GRM1: variants seen among roughly 807,000 people sequenced by gnomAD.
GRM1 encodes the protein glutamate metabotropic receptor 1, also known as metabotropic glutamate receptor 1.
A neutral mutation model predicts 90.9 loss-of-function variants in GRM1; 33 were observed. That is an observed-to-expected ratio of 0.36 (90% confidence interval 0.28 to 0.49). GRM1 has a LOEUF of 0.49. Among genes scored for constraint, GRM1 ranks in the 20% least tolerant of loss-of-function variants. The probability of loss-of-function intolerance (pLI) is 0.99; values close to 1 mark genes in which losing one functional copy is unlikely to be tolerated. For missense variants in GRM1, 1,190 were observed against 1,534.3 expected (o/e 0.78, Z 3.75); for synonymous variants, 700 against 613.2 (o/e 1.14, Z -2.09).
chr6:146,398,721 C>G, intron 6 of GRM1, 48 bp from the exon 7 acceptor site: 1 of 1,270,340 alleles, frequency 7.9e-7, no homozygotes, highest in Non-Finnish European at 1.2e-6. Flanking sequence ...AGTTGTTATT[C>G]CTAGCAGAAA....
chr6:146,434,431 C>T lies in GRM1; in HGVS notation c.3220C>T (p.His1074Tyr). Reference protein sequence around the residue: ...SLYPPPPPPQHLQMLPLQLST... With the variant: ...SLYPPPPPPQYLQMLPLQLST... ...GTACCCGCCCCCGCCACCTCCGCAG[C>T]ACCTGCAGATGCTGCCGCTGCAGCT... The change falls in exon 8 of 8, where the codon CAC becomes TAC. Residue 1074 changes from histidine (H) to tyrosine (Y), a missense_variant. This residue lies in a region of GRM1 where 400 missense variants were observed against 360.8 expected (regional missense o/e 1.11). Transcript: ENST00000282753. 6.2e-7 allele frequency: 1 copy of T among 1,613,860 alleles called. No individual in the cohort carries two copies. Among genetic ancestry groups the T allele is most frequent in the African/African-American group, 1.3e-5 (1 of 75,066 alleles).
intron 1 of GRM1, among the ~76,000 whole-genome samples, chr6:146,091,155 G>T (rs1582989325): frequency 6.6e-6 from 1 of 152,052 alleles, no homozygotes; most frequent in East Asian, 1.9e-4. Flanking sequence ...GTGTCCTGAA[G>T]ACTTTGCTGT....
intron 3 of GRM1, among the ~76,000 whole-genome samples, chr6:146,334,953 C>G (rs1041100053): frequency 2.6e-5 from 4 of 152,124 alleles, no homozygotes; most frequent in Middle Eastern, 3.4e-3. Context: ...TAAAGAATTT[C>G]TCTTTATTGG....
chr6:146,271,964 C>T (rs1562572285), intron 2 of GRM1, among the ~76,000 whole-genome samples: 2 of 152,188 alleles, frequency 1.3e-5, no homozygotes, highest in South Asian at 4.1e-4. Flanking sequence ...GGCCACAGCA[C>T]TGAAGAAAAT....
intron 2 of GRM1, among the ~76,000 whole-genome samples, chr6:146,281,486 T>C (rs1782566330): frequency 6.6e-6 from 1 of 152,228 alleles, no homozygotes; most frequent in Admixed American, 6.5e-5. Flanking sequence ...TAATTAAAAA[T>C]GGCCTTTTGC....
chr6:146,088,294 G>A (rs1261851141), intron 1 of GRM1, among the ~76,000 whole-genome samples: 1 of 151,828 alleles, frequency 6.6e-6, no homozygotes, highest in Non-Finnish European at 1.5e-5. Flanking sequence ...TTTGATTTTT[G>A]TTTTCTACTA....
Position 146,299,838 on chromosome 6 carries a change from G to A in GRM1, c.951-4773G>A, listed in dbSNP as rs143697526. Among the ~76,000 whole-genome samples the A allele has an allele frequency of 8.2e-4, 125 of 152,108 alleles. 1 individual carries two copies. The highest frequency in any genetic ancestry group is 6.5e-3 in the Admixed American group (99 of 15,252). On this transcript the variant is annotated intron_variant, in intron 2 of 7. Coordinates refer to ENST00000282753, the MANE Select transcript of GRM1 (RefSeq NM_001278064.2). ...TTTCTCAACTCTGCAAATCCACTGG[G>A]CTGTACCTGAGTTCCCCACAACCTC...
At chr6:146,171,611 TG>T (rs761019225) in intron 2 of GRM1, 11 of 257,170 alleles carry the variant, frequency 4.3e-5, no homozygotes, top group South Asian at 1.2e-4. Context: ...GCAACAGCTG[TG>T]GGGGGGTGAA....
intron 2 of GRM1, among the ~76,000 whole-genome samples, chr6:146,292,639 A>C (rs747304615): frequency 2.0e-5 from 3 of 151,962 alleles, no homozygotes; most frequent in Admixed American, 6.6e-5. Flanking sequence ...GAATTTGTAC[A>C]AAAATGAAAC....
At chr6:146,123,930 T>C (rs2128878130) in intron 1 of GRM1, among the ~76,000 whole-genome samples, 1 of 152,258 alleles carries the variant, frequency 6.6e-6, no homozygotes, top group East Asian at 1.9e-4. Flanking sequence ...TGCTCAGATA[T>C]CCATCATGAA....
At chr6:146,409,403 G>A (rs1777478356) in intron 7 of GRM1, among the ~76,000 whole-genome samples, 1 of 152,098 alleles carries the variant, frequency 6.6e-6, no homozygotes, top group African/African-American at 2.4e-5. Flanking sequence ...TCTGTTAGAG[G>A]ATCCATTTGT....
chr6:146,249,064 A>C (rs2114757356), intron 2 of GRM1, among the ~76,000 whole-genome samples: 1 of 152,324 alleles, frequency 6.6e-6, no homozygotes, highest in South Asian at 2.1e-4. Context: ...GAAAGCATTC[A>C]GTTACATGCA....
chr6:146,107,163 C>T (rs1775336865), intron 1 of GRM1, among the ~76,000 whole-genome samples: 1 of 152,062 alleles, frequency 6.6e-6, no homozygotes, highest in Admixed American at 6.6e-5. Context: ...TGTTCCCTCT[C>T]CTCTAAGATT....
At chr6:146,223,944 C>G (rs1780154249) in intron 2 of GRM1, among the ~76,000 whole-genome samples, 2 of 151,950 alleles carry the variant, frequency 1.3e-5, no homozygotes, top group South Asian at 2.1e-4. Flanking sequence ...TTCCTTAGAG[C>G]CCAGGCATAT....
At chr6:146,382,604 C>G (rs1277400026) in intron 5 of GRM1, among the ~76,000 whole-genome samples, 3 of 152,174 alleles carry the variant, frequency 2.0e-5, no homozygotes, top group Non-Finnish European at 4.4e-5. Context: ...ATAGAGACTA[C>G]CCTTCCTTTT....
At chr6:146,139,999 T>G (rs1253606395) in intron 1 of GRM1, among the ~76,000 whole-genome samples, 1 of 119,626 alleles carries the variant, frequency 8.4e-6, no homozygotes, top group Non-Finnish European at 1.7e-5. Context: ...TCCCTCCGCT[T>G]CCCTCCCCTC....
chr6:146,184,528 G>C (rs535667220), intron 2 of GRM1, among the ~76,000 whole-genome samples: 11 of 151,744 alleles, frequency 7.2e-5, no homozygotes, highest in African/African-American at 1.9e-4. Context: ...TCAGAGTTTC[G>C]TTACTTAACA....
In GRM1 at chr6:146,421,532, AAGG is replaced by A. The variant is rs1215276603; in HGVS notation, c.2661-12337_2661-12335del. Among the ~76,000 whole-genome samples the A allele has an allele frequency of 8.5e-5, 13 of 152,270 alleles. No homozygotes were observed. In the East Asian group the frequency reaches 2.5e-3, roughly 29 times the overall value. On this transcript the variant is annotated intron_variant, in intron 7 of 7. Transcript: ENST00000282753. ...AATACATACCAATTTGTCTCTTTAA[AAGG>A]AGCAGATTCATATTTAGAATAATAT...
At chr6:146,083,713 G>A (rs1776445201) in intron 1 of GRM1, among the ~76,000 whole-genome samples, 1 of 152,126 alleles carries the variant, frequency 6.6e-6, no homozygotes, top group Non-Finnish European at 1.5e-5. Context: ...TTGTGTCTCT[G>A]CCAGGTTTTG....
Sources: allele counts gnomAD v4.1 joint callset (sites outside exome capture counted in the v4.1 genomes callset), GRCh38; gene constraint gnomAD v4.1.1; regional missense constraint gnomAD v4.1.1; transcripts MANE v1.5; gene names NCBI Gene and HGNC (gene_info 2026-07-23, HGNC 2026-07-21).